Variants in WDFY4 observed in about 807,000 individuals in gnomAD.
The protein encoded by WDFY4 is WDFY family member 4.
A neutral mutation model predicts 351.9 loss-of-function variants in WDFY4; 169 were observed. The ratio of observed to expected loss-of-function variants is 0.48; its 90% CI spans 0.42 to 0.55. WDFY4 has a LOEUF of 0.55. Ranked by LOEUF, WDFY4 falls within the 20% of genes least tolerant of loss-of-function variation. The probability of loss-of-function intolerance (pLI) is 0.00; values close to 1 mark genes in which losing one functional copy is unlikely to be tolerated. For synonymous variants in WDFY4, 1,622 were observed against 1,574.6 expected, an observed-to-expected ratio of 1.03 and a Z score of -0.71; for missense variants, 3,803 against 3,935.6, an observed-to-expected ratio of 0.97 and a Z score of 0.90.
chr10:48,881,411 G>A (rs2070243663), intron 43 of WDFY4, among the ~76,000 whole-genome samples: 1 of 152,198 alleles, frequency 6.6e-6, no homozygotes, highest in African/African-American at 2.4e-5. Context: ...TGGTTGTCCT[G>A]CCGAGATGGT....
chr10:48,798,112 T>G (rs1028457789), intron 24 of WDFY4, among the ~76,000 whole-genome samples: 1 of 152,222 alleles, frequency 6.6e-6, no homozygotes, highest in Non-Finnish European at 1.5e-5. Context: ...ACCACAGGGC[T>G]GCTACTGAAG....
At chr10:48,971,351 C>T (rs1202711618) in intron 57 of WDFY4, among the ~76,000 whole-genome samples, 1 of 152,052 alleles carries the variant, frequency 6.6e-6, no homozygotes, top group Non-Finnish European at 1.5e-5. Flanking sequence ...AACAGATTAG[C>T]CAGGCGTGGT....
intron 1 of WDFY4, among the ~76,000 whole-genome samples, chr10:48,696,461 C>A (rs1230631905): frequency 2.6e-5 from 4 of 152,250 alleles, no homozygotes; most frequent in Admixed American, 1.3e-4. Flanking sequence ...CACATTGTGT[C>A]CTCGCCAGGG....
chr10:48,830,785 G>A lies in WDFY4; in HGVS notation c.6426G>A (p.Lys2142=), dbSNP rs1015200315. The A allele has an allele frequency of 6.4e-7, 1 of 1,551,582 alleles. No individual in the cohort carries two copies. Among genetic ancestry groups the A allele is most frequent in the Non-Finnish European group, 8.7e-7 (1 of 1,146,970 alleles). ...QRQQTLEDAF[K]IDLSVKPGER... ...AGCAGACCCTGGAGGATGCCTTCAA[G>A]ATCGATCTCTCTGTGAAACCTGGAG... The change falls in exon 38 of 62, where the codon AAG becomes AAA. Residue 2142 remains lysine (K), a synonymous_variant. Transcript: ENST00000325239.
chr10:48,761,562 A>G (rs2065507540), intron 13 of WDFY4, among the ~76,000 whole-genome samples: 1 of 152,192 alleles, frequency 6.6e-6, no homozygotes, highest in Non-Finnish European at 1.5e-5. Flanking sequence ...CAGGTAATGG[A>G]GAGACAAAGA....
At chr10:48,905,447 T>G (rs1055178968) in intron 47 of WDFY4, among the ~76,000 whole-genome samples, 2 of 152,240 alleles carry the variant, frequency 1.3e-5, no homozygotes, top group Admixed American at 1.3e-4. Flanking sequence ...TGTACCACCT[T>G]GCTTCTGTGG....
At chr10:48,915,741 T>A (rs1838464946) in intron 47 of WDFY4, among the ~76,000 whole-genome samples, 1 of 152,210 alleles carries the variant, frequency 6.6e-6, no homozygotes, top group Non-Finnish European at 1.5e-5. Context: ...GCGAAAGGCC[T>A]GATGGATCAC....
intron 47 of WDFY4, among the ~76,000 whole-genome samples, chr10:48,908,859 T>A (rs992605749): frequency 3.9e-5 from 6 of 152,218 alleles, no homozygotes; most frequent in African/African-American, 1.4e-4. Context: ...CATACACAGT[T>A]ATTTTATCAC....
chr10:48,916,909 G>A (rs984218473), intron 47 of WDFY4, among the ~76,000 whole-genome samples: 1 of 140,198 alleles, frequency 7.1e-6, no homozygotes, highest in Admixed American at 7.3e-5. Flanking sequence ...GTGTGTGTGT[G>A]TACAACCATG....
chr10:48,788,424 C>G, intron 20 of WDFY4, 106 bp from the exon 21 acceptor site: 1 of 1,324,042 alleles, frequency 7.6e-7, no homozygotes, highest in South Asian at 1.5e-5. Flanking sequence ...TACAAACATC[C>G]TCTCAATGAT....
At chr10:48,773,643 A>G (rs1288414672) in intron 13 of WDFY4, among the ~76,000 whole-genome samples, 2 of 152,208 alleles carry the variant, frequency 1.3e-5, no homozygotes, top group African/African-American at 4.8e-5. Flanking sequence ...ACAGCTATTC[A>G]TGTGGCAGCA....
chr10:48,782,577 C>T (rs549034716), intron 19 of WDFY4, among the ~76,000 whole-genome samples: 1 of 152,146 alleles, frequency 6.6e-6, no homozygotes, highest in African/African-American at 2.4e-5. Context: ...TGACAGAGTG[C>T]GCTTTCCAAA....
intron 9 of WDFY4, 27 bp downstream of exon 9, chr10:48,731,589 G>A (rs1433520352): frequency 6.5e-7 from 1 of 1,538,886 alleles, no homozygotes. Flanking sequence ...TGGGAGGGAT[G>A]GGCAGGGGTC....
intron 12 of WDFY4, among the ~76,000 whole-genome samples, chr10:48,752,202 C>T (rs2065206305): frequency 6.6e-6 from 1 of 152,178 alleles, no homozygotes; most frequent in African/African-American, 2.4e-5. Flanking sequence ...CCACCTGCAT[C>T]AGAATCCATT....
At chr10:48,911,470 A>G (rs1837998391) in intron 47 of WDFY4, among the ~76,000 whole-genome samples, 1 of 152,250 alleles carries the variant, frequency 6.6e-6, no homozygotes, top group Non-Finnish European at 1.5e-5. Context: ...TTTTAGTTAT[A>G]TAGGCTCTCA....
chr10:48,930,897 C>A (rs1416684496), intron 47 of WDFY4, among the ~76,000 whole-genome samples: 3 of 152,138 alleles, frequency 2.0e-5, no homozygotes, highest in Admixed American at 6.5e-5. Flanking sequence ...GGCACACATG[C>A]ACCCCCATAC....
intron 19 of WDFY4, among the ~76,000 whole-genome samples, chr10:48,782,392 A>T (rs2066256146): frequency 6.6e-6 from 1 of 152,236 alleles, no homozygotes; most frequent in Admixed American, 6.5e-5. Context: ...TGGAATAAAC[A>T]CTTGATGAAC....
chr10:48,789,775 C>T (rs1055415011), intron 21 of WDFY4, 99 bp from the exon 22 acceptor site: 5 of 1,091,176 alleles, frequency 4.6e-6, no homozygotes, highest in East Asian at 2.6e-5. Flanking sequence ...AGTGTCAGCA[C>T]TGGGCCAGGC....
intron 13 of WDFY4, among the ~76,000 whole-genome samples, chr10:48,765,378 A>T (rs11101463): frequency 0.03 from 4,523 of 152,270 alleles, 105 homozygotes; most frequent in Non-Finnish European, 0.043. Flanking sequence ...TTTGATTCTT[A>T]ACTTCCTTTG....
Sources: gnomAD v4.1 joint callset for allele counts (sites outside exome capture counted in the v4.1 genomes callset) on GRCh38, gnomAD v4.1.1 for gene constraint, MANE v1.5 for transcripts, NCBI Gene and HGNC (gene_info 2026-07-23, HGNC 2026-07-21) for gene names.